Variants in NIBAN1 observed in about 807,000 individuals in gnomAD.
The protein encoded by NIBAN1 is protein Niban 1.
A neutral mutation model predicts 75.1 loss-of-function variants in NIBAN1; 81 were observed. The observed-to-expected ratio is 1.08, with a 90% CI of 0.90 to 1.30. The LOEUF is 1.30. Ranked by LOEUF, NIBAN1 falls within the 50% of genes most tolerant of loss-of-function variation. The pLI is 0.00. For missense variants in NIBAN1, 1,133 were observed against 1,128.1 expected (o/e 1.00, Z -0.06); for synonymous variants, 436 against 424.8 (o/e 1.03, Z -0.32).
At chr1:184,841,581 T>C (rs901248984) in intron 5 of NIBAN1, among the ~76,000 whole-genome samples, 1 of 152,144 alleles carries the variant, frequency 6.6e-6, no homozygotes, top group African/African-American at 2.4e-5. Context: ...AAGAAAGAGA[T>C]CTTTATCTAT....
intron 4 of NIBAN1, among the ~76,000 whole-genome samples, chr1:184,889,386 T>C (rs965498695): frequency 2.6e-5 from 4 of 152,130 alleles, no homozygotes; most frequent in African/African-American, 9.7e-5. Flanking sequence ...ATCTCCCAAT[T>C]ATCTTTCCAT....
chr1:184,870,811 G>A (rs1656087518), intron 5 of NIBAN1, among the ~76,000 whole-genome samples: 9 of 152,172 alleles, frequency 5.9e-5, no homozygotes, highest in Admixed American at 5.9e-4. Flanking sequence ...AAAAGACATA[G>A]TGGATAAATT....
At chr1:184,862,651 A>G (rs1218795045) in intron 5 of NIBAN1, among the ~76,000 whole-genome samples, 2 of 152,206 alleles carry the variant, frequency 1.3e-5, no homozygotes, top group Non-Finnish European at 2.9e-5. Flanking sequence ...GCATATCTTC[A>G]GTTGCCTGAT....
intron 5 of NIBAN1, among the ~76,000 whole-genome samples, chr1:184,845,971 C>G (rs1331929863): frequency 1.2e-5 from 1 of 81,868 alleles, no homozygotes; most frequent in Non-Finnish European, 2.5e-5. Flanking sequence ...TCAGAGGGTC[C>G]TACGCCCACG....
At chr1:184,852,081 GC>G (rs902589914) in intron 5 of NIBAN1, among the ~76,000 whole-genome samples, 1 of 152,108 alleles carries the variant, frequency 6.6e-6, no homozygotes, top group African/African-American at 2.4e-5. Flanking sequence ...CTTAGGACGG[GC>G]AGAGCTCAAG....
intron 1 of NIBAN1, among the ~76,000 whole-genome samples, chr1:184,941,790 G>A (rs1479865042): frequency 6.6e-6 from 1 of 152,126 alleles, no homozygotes; most frequent in African/African-American, 2.4e-5. Flanking sequence ...CCAGTCAGAA[G>A]TGTTTCCCTG....
chr1:184,890,403 A>G (rs1222228325), intron 3 of NIBAN1, among the ~76,000 whole-genome samples, 181 bp from the exon 4 acceptor site: 1 of 152,230 alleles, frequency 6.6e-6, no homozygotes, highest in Non-Finnish European at 1.5e-5. Flanking sequence ...TGGCAAGGTA[A>G]TATTTTAATA....
intron 1 of NIBAN1, among the ~76,000 whole-genome samples, chr1:184,933,961 C>T (rs1462618134): frequency 6.6e-6 from 1 of 152,090 alleles, no homozygotes; most frequent in African/African-American, 2.4e-5. Context: ...CAGGAACATA[C>T]CGAACCTTTA....
At chr1:184,896,027 A>G (rs1022099753) in intron 2 of NIBAN1, among the ~76,000 whole-genome samples, 41 of 152,296 alleles carry the variant, frequency 2.7e-4, no homozygotes, top group African/African-American at 9.6e-4. Context: ...AAACACACAC[A>G]TACAGGAGTC....
intron 5 of NIBAN1, among the ~76,000 whole-genome samples, chr1:184,863,250 T>C (rs1483750147): frequency 1.3e-5 from 2 of 152,236 alleles, no homozygotes; most frequent in African/African-American, 4.8e-5. Flanking sequence ...GAACTACTGA[T>C]ACCTTATTCT....
chr1:184,855,557 T>A (rs1259572339), intron 5 of NIBAN1, among the ~76,000 whole-genome samples: 1 of 152,138 alleles, frequency 6.6e-6, no homozygotes, highest in African/African-American at 2.4e-5. Context: ...CTAATACAAT[T>A]TATTTTATAT....
chr1:184,974,385 A>C lies in NIBAN1; in HGVS notation c.-29T>G. The C allele has an allele frequency of 6.5e-7, 1 of 1,543,322 alleles. No individual in the cohort carries two copies. ...CGCGAGCTGCCTGTGCTGAGCGCGGAAACTGCCCGGTCCGCGCCCGCTGCT... is the reference window on the plus strand; with the variant it reads ...CGCGAGCTGCCTGTGCTGAGCGCGGCAACTGCCCGGTCCGCGCCCGCTGCT... On this transcript the variant is annotated 5_prime_UTR_variant, in exon 1 of 14. Coordinates refer to ENST00000367511, the MANE Select transcript of NIBAN1 (RefSeq NM_052966.4).
At chr1:184,859,090 T>C (rs1655749883) in intron 5 of NIBAN1, among the ~76,000 whole-genome samples, 2 of 151,742 alleles carry the variant, frequency 1.3e-5, no homozygotes, top group South Asian at 2.1e-4. Context: ...ATTAAAAGAA[T>C]GAAAAGAGAA....
chr1:184,960,575 C>A (rs1486911076), intron 1 of NIBAN1, among the ~76,000 whole-genome samples: 2 of 152,124 alleles, frequency 1.3e-5, no homozygotes, highest in African/African-American at 4.8e-5. Flanking sequence ...TTTCATACAG[C>A]TTACATTCTA....
At chr1:184,950,944 A>T (rs1449726265) in intron 1 of NIBAN1, among the ~76,000 whole-genome samples, 1 of 152,212 alleles carries the variant, frequency 6.6e-6, no homozygotes. Flanking sequence ...GATATTTCTG[A>T]CTTGAATTCA....
At chr1:184,871,402 T>C (rs1005937091) in intron 5 of NIBAN1, among the ~76,000 whole-genome samples, 1 of 109,988 alleles carries the variant, frequency 9.1e-6, no homozygotes, top group African/African-American at 3.1e-5. Flanking sequence ...GACACATACA[T>C]AGGGAAAATG....
intron 1 of NIBAN1, among the ~76,000 whole-genome samples, chr1:184,901,522 G>A (rs749288937): frequency 9.2e-5 from 14 of 152,260 alleles, no homozygotes; most frequent in South Asian, 8.3e-4. Flanking sequence ...CAATGAGAAC[G>A]AATCTCACTT....
At chr1:184,945,658 G>T (rs2102056038) in intron 1 of NIBAN1, among the ~76,000 whole-genome samples, 2 of 152,282 alleles carry the variant, frequency 1.3e-5, no homozygotes, top group South Asian at 4.1e-4. Flanking sequence ...ATCTTTTAAT[G>T]ATTTGCTACT....
intron 10 of NIBAN1, among the ~76,000 whole-genome samples, chr1:184,806,420 C>T (rs184954578): frequency 1.8e-3 from 280 of 152,320 alleles, no homozygotes; most frequent in African/African-American, 6.6e-3. Context: ...ATGTAAACCG[C>T]TCCACAGCTT....
Sources: gnomAD v4.1 joint callset for allele counts (sites outside exome capture counted in the v4.1 genomes callset) on GRCh38, gnomAD v4.1.1 for gene constraint, MANE v1.5 for transcripts, NCBI Gene and HGNC (gene_info 2026-07-23, HGNC 2026-07-21) for gene names.